The following FLVCR1 variants were observed in gnomAD, a reference collection of about 807,000 sequenced individuals.
FLVCR1 encodes choline/ethanolamine transporter FLVCR1.
A neutral mutation model predicts 53.6 loss-of-function variants in FLVCR1; 34 were observed. The ratio of observed to expected loss-of-function variants is 0.63; its 90% confidence interval spans 0.48 to 0.84. The LOEUF (loss-of-function observed/expected upper bound fraction) is 0.84, where lower values mean the gene tolerates loss of function less well. FLVCR1 is among the 40% of genes least tolerant of loss of function. The pLI is 0.00. For missense variants in FLVCR1, 677 were observed against 696.7 expected, an observed-to-expected ratio of 0.97 and a Z score of 0.32; for synonymous variants, 300 against 286.3, an observed-to-expected ratio of 1.05 and a Z score of -0.48.
intron 2 of FLVCR1, among the ~76,000 whole-genome samples, chr1:212,871,661 A>G (rs1376304853): frequency 6.6e-6 from 1 of 152,188 alleles, no homozygotes; most frequent in Non-Finnish European, 1.5e-5. Context: ...TGAGATTACA[A>G]AAGTGAGCAC....
Position 212,897,806 on chromosome 1 carries a change from C to T in FLVCR1, c.*2516C>T, listed in dbSNP as rs1443791175. On this transcript the variant is annotated 3_prime_UTR_variant, in exon 10 of 10. Coordinates refer to ENST00000366971, the MANE Select transcript of FLVCR1 (RefSeq NM_014053.4). Reference sequence around the variant, plus strand: ...ACAGCACCAAGCCATGAGGGATCCACCCGCAGGACCCAAACACCTTCTATT... The same window carrying T: ...ACAGCACCAAGCCATGAGGGATCCATCCGCAGGACCCAAACACCTTCTATT... The T allele has an allele frequency of 6.6e-6, 1 of 152,188 alleles. No homozygotes were observed. Among genetic ancestry groups the T allele is most frequent in the South Asian group, 2.1e-4 (1 of 4,832 alleles). The allele number at this position is 152,188 out of a possible 1,614,324, so 9.4% of individuals were successfully genotyped here.
rs1665162970 is a variant in FLVCR1 at position 212,890,467 on chromosome 1, A to AT, written c.1525+1210_1525+1211insT. On this transcript the variant is annotated intron_variant, in intron 8 of 9. Transcript: ENST00000366971. ...TAATGATAGCTAATGAGCTAAAAAA[A>AT]AAAAATTGCAAAAAATCTCATAATG... Among the ~76,000 whole-genome samples, 4 of 152,164 alleles carry AT rather than the reference A, an allele frequency of 2.6e-5. No homozygotes were observed. In the South Asian group the frequency reaches 8.3e-4, roughly 32 times the overall value.
intron 3 of FLVCR1, among the ~76,000 whole-genome samples, chr1:212,881,341 G>A (rs530626898): frequency 0.031 from 2,937 of 95,448 alleles, 50 homozygotes; most frequent in Middle Eastern, 0.051. Context: ...TCACTCTGTC[G>A]AATTTCTTTT....
intron 8 of FLVCR1, among the ~76,000 whole-genome samples, chr1:212,892,618 CGAG>C (rs753546698): frequency 2.0e-5 from 3 of 152,158 alleles, no homozygotes; most frequent in Non-Finnish European, 2.9e-5. Flanking sequence ...TGAAGATGTA[CGAG>C]GAGATCAATG....
chr1:212,899,359 G>T lies in FLVCR1; in HGVS notation c.*4069G>T, dbSNP rs1017902308. ...ACTCAAAATAAATTTATTTTTTTAT[G>T]TTAATTTTCTGTGACTTTTTGAAAA... On this transcript the variant is annotated 3_prime_UTR_variant, in exon 10 of 10. Transcript: ENST00000366971. The T allele has an allele frequency of 6.6e-6, 1 of 151,876 alleles. No homozygotes were observed. The highest frequency in any genetic ancestry group is 2.4e-5 in the African/African-American group (1 of 41,360). 9.4% of individuals were successfully genotyped at this position (151,876 alleles called of 1,614,324 possible).
At chr1:212,875,143 GTA>G (rs1664720033) in intron 3 of FLVCR1, among the ~76,000 whole-genome samples, 1 of 46,118 alleles carries the variant, frequency 2.2e-5, no homozygotes, top group Admixed American at 1.7e-4. Flanking sequence ...CCAACTAAAT[GTA>G]TAGTAGTGCT....
intron 8 of FLVCR1, among the ~76,000 whole-genome samples, chr1:212,894,710 T>C (rs1665288664): frequency 1.3e-5 from 2 of 152,206 alleles, no homozygotes; most frequent in Admixed American, 1.3e-4. Flanking sequence ...CATGTCAAAG[T>C]TTCCCTAGAT....
chr1:212,890,439 T>C lies in FLVCR1; in HGVS notation c.1525+1182T>C, dbSNP rs574878792. On this transcript the variant is annotated intron_variant, in intron 8 of 9. Transcript: ENST00000366971. ...TTGGGCCACACATGAAATACTCTAATACTAATGATAGCTAATGAGCTAAAA... is the reference window on the plus strand; with the variant it reads ...TTGGGCCACACATGAAATACTCTAACACTAATGATAGCTAATGAGCTAAAA... Among the ~76,000 whole-genome samples, 98 of 151,180 alleles carry C rather than the reference T, an allele frequency of 6.5e-4. 2 individuals are homozygous for C. Among genetic ancestry groups the C allele is most frequent in the African/African-American group, 2.2e-3 (91 of 41,288 alleles).
At chr1:212,885,546 G>GTTTGT in intron 5 of FLVCR1, 150 bp downstream of exon 5, 1 of 289,696 alleles carries the variant, frequency 3.5e-6, no homozygotes, top group Non-Finnish European at 6.1e-6. Context: ...CTTAACAAGT[G>GTTTGT]TTTCTTTTTT....
At chr1:212,895,113 A>G in intron 9 of FLVCR1, 60 bp downstream of exon 9, 2 of 1,377,976 alleles carry the variant, frequency 1.5e-6, no homozygotes, top group Non-Finnish European at 2.1e-6. Flanking sequence ...ATGTGAAACC[A>G]TATTTTTTTA....
In FLVCR1 at chr1:212,895,635, T is replaced by C; in HGVS notation, c.*345T>C. Reference sequence around the variant, plus strand: ...AGAAAATGGAAGCTTAGAATACTTTTTAAAGTGATAATATGGGGTGTTCAG... The same window carrying C: ...AGAAAATGGAAGCTTAGAATACTTTCTAAAGTGATAATATGGGGTGTTCAG... On this transcript the variant is annotated 3_prime_UTR_variant, in exon 10 of 10. Coordinates refer to ENST00000366971, the MANE Select transcript of FLVCR1 (RefSeq NM_014053.4). 3.0e-6 allele frequency: 1 copy of C among 336,758 alleles called. No individual in the cohort carries two copies. 20.9% of individuals were successfully genotyped at this position (336,758 alleles called of 1,614,324 possible). A position where few individuals can be genotyped will look rare whatever the true frequency, so the allele number is the denominator to read the frequency against.
At chr1:212,867,315 C>T (rs1664467356) in intron 2 of FLVCR1, among the ~76,000 whole-genome samples, 1 of 152,174 alleles carries the variant, frequency 6.6e-6, no homozygotes, top group Non-Finnish European at 1.5e-5. Context: ...CTATTATAGC[C>T]TCAAACATTT....
At chr1:212,888,345 A>G in intron 6 of FLVCR1, 144 bp from the exon 7 acceptor site, 1 of 704,920 alleles carries the variant, frequency 1.4e-6, no homozygotes, top group Admixed American at 2.0e-5. Flanking sequence ...GGTCAATGAT[A>G]ATAGTTCCTT....
At chr1:212,882,213 A>G (rs1664950050) in intron 3 of FLVCR1, among the ~76,000 whole-genome samples, 1 of 152,214 alleles carries the variant, frequency 6.6e-6, no homozygotes, top group East Asian at 1.9e-4. Flanking sequence ...TAAACAGTGA[A>G]AAACTAAAAA....
chr1:212,896,854 C>CT lies in FLVCR1; in HGVS notation c.*1565dup, dbSNP rs1558124453. ...CCAACATGGTAAAACCCCATCTCTA[C>CT]TAAAAAAAAAAAAAAAAAAAAAAAA... On this transcript the variant is annotated 3_prime_UTR_variant, in exon 10 of 10. Coordinates refer to ENST00000366971, the MANE Select transcript of FLVCR1 (RefSeq NM_014053.4). 2.8e-5 allele frequency: 1 copy of CT among 36,034 alleles called. No individual in the cohort carries two copies. Among genetic ancestry groups the CT allele is most frequent in the African/African-American group, 1.2e-4 (1 of 8,206 alleles). 2.2% of individuals were successfully genotyped at this position (36,034 alleles called of 1,614,324 possible).
In FLVCR1 at chr1:212,896,870, A is replaced by T. The variant is rs1320826300; in HGVS notation, c.*1580A>T. 5.0e-5 allele frequency: 7 copies of T among 141,052 alleles called. No individual in the cohort carries two copies. Among genetic ancestry groups the T allele is most frequent in the African/African-American group, 1.9e-4 (7 of 36,146 alleles). The allele number at this position is 141,052 out of a possible 1,614,324, so 8.7% of individuals were successfully genotyped here. ...CCATCTCTACTAAAAAAAAAAAAAA[A>T]AAAAAAAAAAAAAAAAAAGGCCAGG... On this transcript the variant is annotated 3_prime_UTR_variant, in exon 10 of 10. Transcript: ENST00000366971.
intron 1 of FLVCR1, among the ~76,000 whole-genome samples, chr1:212,860,809 C>A (rs1416262732): frequency 6.6e-6 from 1 of 152,172 alleles, no homozygotes; most frequent in Non-Finnish European, 1.5e-5. Flanking sequence ...GCTTCAGACT[C>A]ATACAGATAC....
At chr1:212,879,952 C>T (rs1159928291) in intron 3 of FLVCR1, among the ~76,000 whole-genome samples, 2 of 149,616 alleles carry the variant, frequency 1.3e-5, no homozygotes, top group Admixed American at 1.4e-4. Context: ...AGATACCATA[C>T]TCTAGGTTCA....
chr1:212,884,354 C>T (rs1295987383), intron 4 of FLVCR1, among the ~76,000 whole-genome samples: 1 of 151,804 alleles, frequency 6.6e-6, no homozygotes, highest in Non-Finnish European at 1.5e-5. Context: ...GCCAAGATAG[C>T]GCCACTGTAC....
Sources: allele counts gnomAD v4.1 joint callset (sites outside exome capture counted in the v4.1 genomes callset), GRCh38; gene constraint gnomAD v4.1.1; transcripts MANE v1.5; gene names NCBI Gene and HGNC (gene_info 2026-07-23, HGNC 2026-07-21).